Variants in DROSHA observed in about 807,000 individuals in gnomAD.
The protein encoded by DROSHA is drosha ribonuclease III.
Under a neutral mutation model 181.9 loss-of-function variants are expected in DROSHA, and 56 were observed. The observed-to-expected ratio is 0.31, with a 90% confidence interval of 0.25 to 0.38. DROSHA has a LOEUF of 0.38. DROSHA is among the 10% of genes least tolerant of loss of function. The pLI, the probability that DROSHA is intolerant of heterozygous loss-of-function variation, is 1.00. For synonymous variants in DROSHA, 524 were observed against 591.2 expected, an observed-to-expected ratio of 0.89 and a Z score of 1.65; for missense variants, 1,218 against 1,743.5, an observed-to-expected ratio of 0.70 and a Z score of 5.37.
At position 31,497,042 on chromosome 5, in the gene DROSHA, C is replaced by T. The variant is rs144574810; in HGVS notation, c.1669-1670G>A. 4.0e-3 allele frequency among the ~76,000 whole-genome samples: 605 copies of T among 152,296 alleles called. 3 individuals are homozygous for T. The highest frequency in any genetic ancestry group is 0.014 in the African/African-American group (577 of 41,562). On this transcript the variant is annotated intron_variant, in intron 11 of 35. Coordinates refer to ENST00000344624, the MANE Select transcript of DROSHA (RefSeq NM_001382508.1). Reference sequence around the variant, plus strand: ...ATGCCTGTAGTGCAACCAATGGTAACCCCGTGCACTCGGGATCATCATTCC... The same window carrying T: ...ATGCCTGTAGTGCAACCAATGGTAATCCCGTGCACTCGGGATCATCATTCC...
At chr5:31,487,435 G>A (rs1361931697) in intron 13 of DROSHA, among the ~76,000 whole-genome samples, 1 of 152,132 alleles carries the variant, frequency 6.6e-6, no homozygotes, top group Non-Finnish European at 1.5e-5. Context: ...CACATAACAG[G>A]TTTTCCGTAA....
chr5:31,523,967 C>T (rs1269662592), intron 5 of DROSHA, among the ~76,000 whole-genome samples: 3 of 85,248 alleles, frequency 3.5e-5, no homozygotes, highest in Admixed American at 3.2e-4. Context: ...AAAAGCAAAA[C>T]TTTGTCTCCA....
intron 27 of DROSHA, among the ~76,000 whole-genome samples, chr5:31,424,784 CAT>C (rs1743275871): frequency 6.6e-6 from 1 of 152,140 alleles, no homozygotes. Context: ...CTCTTTTAAT[CAT>C]ATTTTTTTCT....
chr5:31,513,471 G>C (rs948182067), intron 8 of DROSHA, among the ~76,000 whole-genome samples: 68 of 152,270 alleles, frequency 4.5e-4, no homozygotes, highest in African/African-American at 1.5e-3. Flanking sequence ...GGTCAACTAA[G>C]ACAACATGAG....
chr5:31,468,825 G>A (rs1749412856), intron 17 of DROSHA, among the ~76,000 whole-genome samples: 1 of 152,116 alleles, frequency 6.6e-6, no homozygotes, highest in South Asian at 2.1e-4. Context: ...TAGAGTCTGC[G>A]GCTCAGTTGC....
intron 20 of DROSHA, among the ~76,000 whole-genome samples, chr5:31,452,702 T>C (rs1747169891): frequency 6.6e-6 from 1 of 152,220 alleles, no homozygotes; most frequent in Non-Finnish European, 1.5e-5. Flanking sequence ...TATTAACTTA[T>C]AAAGAAAGAT....
At chr5:31,490,356 A>AT (rs1033527413) in intron 13 of DROSHA, among the ~76,000 whole-genome samples, 4 of 151,280 alleles carry the variant, frequency 2.6e-5, no homozygotes, top group African/African-American at 9.7e-5. Context: ...TAATATTTTT[A>AT]TTTTTTTGTA....
chr5:31,474,711 C>T (rs532699210), intron 16 of DROSHA, among the ~76,000 whole-genome samples: 4 of 152,080 alleles, frequency 2.6e-5, no homozygotes, highest in Non-Finnish European at 5.9e-5. Context: ...GAGGTGGGGC[C>T]TTCAGAGGTA....
Position 31,486,541 on chromosome 5 carries a change from T to G in DROSHA, c.1864A>C (p.Arg622=), listed in dbSNP as rs1160415337. 2 of 1,613,670 alleles carry G rather than the reference T, an allele frequency of 1.2e-6. No individual in the cohort carries two copies. The highest frequency in any genetic ancestry group is 3.3e-5 in the Admixed American group (2 of 59,922). ...LTNIPLCKVI[R]FNIDYTIHFI... ...TGAATCGTGTAGTCTATGTTGAATC[T>G]AATTACTTTACACAGTGGAATCTGC... Residue 622 remains arginine, a synonymous_variant, in exon 14 of 36, where the codon AGA becomes CGA. Transcript: ENST00000344624.
chr5:31,433,357 T>C (rs1744404368), intron 25 of DROSHA, among the ~76,000 whole-genome samples: 2 of 152,194 alleles, frequency 1.3e-5, no homozygotes, highest in African/African-American at 2.4e-5. Context: ...GTAAATTTCA[T>C]CTGTTTCACA....
At chr5:31,466,575 C>T (rs1200342539) in intron 18 of DROSHA, 1 of 243,402 alleles carries the variant, frequency 4.1e-6, no homozygotes, top group African/African-American at 2.3e-5. Context: ...AAAAACACCT[C>T]AACCAAAGGA....
Position 31,422,809 on chromosome 5 carries a change from C to A in DROSHA, c.3397G>T (p.Val1133Leu). The A allele has an allele frequency of 6.2e-7, 1 of 1,613,794 alleles. No homozygotes were observed. Among genetic ancestry groups the A allele is most frequent in the South Asian group, 1.1e-5 (1 of 91,080 alleles). Residue 1133 changes from valine to leucine, a missense_variant, in exon 29 of 36, where the codon GTG becomes TTG. Around this residue, in one of 8 missense-constraint regions of DROSHA, gnomAD observed 23 missense variants for 90.6 expected, o/e 0.25. Coordinates refer to ENST00000344624, the MANE Select transcript of DROSHA (RefSeq NM_001382508.1). ...CACAGGGTCAGATGGTTAAATCCCA[C>A]AGTTCTCAATGTGAATGCCCTTGCC... ...LLARAFTLRT[V>L]GFNHLTLGHN...
At chr5:31,451,264 A>C (rs1746995832) in intron 21 of DROSHA, among the ~76,000 whole-genome samples, 2 of 152,222 alleles carry the variant, frequency 1.3e-5, no homozygotes, top group South Asian at 4.1e-4. Flanking sequence ...CCTGGAAAGG[A>C]GAGCCATAAA....
chr5:31,511,930 C>A (rs1053616825), intron 8 of DROSHA, among the ~76,000 whole-genome samples: 1 of 147,012 alleles, frequency 6.8e-6, no homozygotes, highest in Admixed American at 6.9e-5. Flanking sequence ...CTCACACACA[C>A]GCACACACAC....
At chr5:31,436,151 C>G (rs191793683) in intron 24 of DROSHA, among the ~76,000 whole-genome samples, 2 of 152,296 alleles carry the variant, frequency 1.3e-5, no homozygotes, top group African/African-American at 4.8e-5. Context: ...GTTACACACT[C>G]TAAGAGCAAA....
chr5:31,504,075 T>C (rs1362294044), intron 11 of DROSHA, among the ~76,000 whole-genome samples: 1 of 152,222 alleles, frequency 6.6e-6, no homozygotes, highest in Non-Finnish European at 1.5e-5. Context: ...AAAAGTGTTC[T>C]ACCTATTCAG....
intron 27 of DROSHA, among the ~76,000 whole-genome samples, chr5:31,426,744 T>C (rs1743518091): frequency 6.6e-6 from 1 of 152,030 alleles, no homozygotes; most frequent in Non-Finnish European, 1.5e-5. Context: ...CGTTATGTAG[T>C]ATATAGAGCT....
intron 19 of DROSHA, among the ~76,000 whole-genome samples, chr5:31,465,761 C>A (rs1304150043): frequency 1.3e-5 from 2 of 152,024 alleles, no homozygotes; most frequent in African/African-American, 4.8e-5. Context: ...TGGGACCTCC[C>A]TCCTCCCTCT....
intron 23 of DROSHA, among the ~76,000 whole-genome samples, chr5:31,438,957 G>A (rs1015360885): frequency 2.0e-5 from 3 of 152,152 alleles, no homozygotes; most frequent in African/African-American, 4.8e-5. Context: ...TGTGTTTCAA[G>A]AGAGAAGTGG....
Sources: allele counts gnomAD v4.1 joint callset (sites outside exome capture counted in the v4.1 genomes callset), GRCh38; gene constraint gnomAD v4.1.1; regional missense constraint gnomAD v4.1.1; transcripts MANE v1.5; gene names NCBI Gene and HGNC (gene_info 2026-07-23, HGNC 2026-07-21).